Variants in GLIS3 observed in about 807,000 individuals in gnomAD.
The protein encoded by GLIS3 is zinc finger protein GLIS3.
A neutral mutation model predicts 78.6 loss-of-function variants in GLIS3; 53 were observed. The ratio of observed to expected loss-of-function variants is 0.67; its 90% CI spans 0.54 to 0.85. GLIS3 has a LOEUF of 0.85. GLIS3 is among the 40% of genes least tolerant of loss of function. The pLI, the probability that GLIS3 is intolerant of heterozygous loss-of-function variation, is 0.00. For missense variants in GLIS3, 1,703 were observed against 1,231.1 expected (o/e 1.38, Z -5.74); for synonymous variants, 684 against 509.9 (o/e 1.34, Z -4.60).
At chr9:4,096,616 C>T (rs13299949) in intron 4 of GLIS3, among the ~76,000 whole-genome samples, 20,301 of 152,114 alleles carry the variant, frequency 0.13, 1,377 homozygotes, top group Middle Eastern at 0.15. Context: ...CCTCCCTGAG[C>T]TCAGGAGAAT....
In GLIS3 at chr9:4,286,394, T is replaced by C. The variant is rs940080024; in HGVS notation, c.32A>G (p.His11Arg). The C allele has an allele frequency of 1.2e-6, 2 of 1,614,048 alleles. No homozygotes were observed. Among genetic ancestry groups the C allele is most frequent in the Non-Finnish European group, 1.7e-6 (2 of 1,180,042 alleles). The part of the protein sequence containing the change: MNGRSCSMSL[H>R]RTSGTPQGPR... Reference sequence around the variant, plus strand: ...CCCCTGTGGGGTTCCCGATGTCCGGTGGAGACTCATGCTGCATGATCTTCC... The same window carrying C: ...CCCCTGTGGGGTTCCCGATGTCCGGCGGAGACTCATGCTGCATGATCTTCC... Residue 11 changes from histidine (H) to arginine (R), a missense_variant, in exon 2 of 11, where the codon CAC becomes CGC. Coordinates refer to ENST00000381971, the MANE Select transcript of GLIS3 (RefSeq NM_001042413.2).
the GLIS3 span, among the ~76,000 whole-genome samples, chr9:4,486,127 A>G: frequency 6.6e-6 from 1 of 152,212 alleles, no homozygotes; most frequent in African/African-American, 2.4e-5. Flanking sequence ...CATAATTTAA[A>G]TGAACATAAA....
intron 2 of GLIS3, among the ~76,000 whole-genome samples, chr9:4,279,131 C>G (rs1248471496): frequency 6.6e-6 from 1 of 151,666 alleles, no homozygotes; most frequent in South Asian, 2.1e-4. Flanking sequence ...GAAACCCCAT[C>G]TCTAATAAAA....
chr9:4,403,362 C>A, the GLIS3 span, among the ~76,000 whole-genome samples: 1 of 152,148 alleles, frequency 6.6e-6, no homozygotes, highest in Admixed American at 6.5e-5. Context: ...AAGAAATCAT[C>A]TGAAGGTAAA....
intron 4 of GLIS3, among the ~76,000 whole-genome samples, chr9:3,971,303 G>T (rs7045016): frequency 0.084 from 12,785 of 152,180 alleles, 585 homozygotes; most frequent in Middle Eastern, 0.15. Context: ...GGAGCTTGAG[G>T]CTGAATTCTA....
At chr9:4,459,506 G>A in the GLIS3 span, among the ~76,000 whole-genome samples, 1,146 of 152,346 alleles carry the variant, frequency 7.5e-3, 13 homozygotes, top group African/African-American at 0.027. Context: ...GCTTGTGCCT[G>A]TAATCCTGGC....
intron 2 of GLIS3, among the ~76,000 whole-genome samples, chr9:4,199,840 C>T (rs868219909): frequency 2.0e-5 from 3 of 151,824 alleles, no homozygotes; most frequent in Admixed American, 1.3e-4. Context: ...ACTTCACCTT[C>T]AACGAAAGAA....
intron 6 of GLIS3, 113 bp downstream of exon 6, chr9:3,932,247 C>T: frequency 2.5e-6 from 2 of 790,304 alleles, no homozygotes; most frequent in South Asian, 2.8e-5. Context: ...CGGTCTAAAG[C>T]AGGTTATACC....
the GLIS3 span, among the ~76,000 whole-genome samples, chr9:4,373,659 AATTTTC>A: frequency 6.6e-6 from 1 of 151,386 alleles, no homozygotes; most frequent in East Asian, 1.9e-4. Flanking sequence ...GGGAAAACAT[AATTTTC>A]TTTTCTTTTT....
chr9:4,420,045 G>C, the GLIS3 span, among the ~76,000 whole-genome samples: 2 of 152,146 alleles, frequency 1.3e-5, no homozygotes, highest in African/African-American at 4.8e-5. Context: ...GGAATTTAGA[G>C]CAATGTCCTG....
chr9:3,893,138 C>A (rs1402927825), intron 7 of GLIS3, among the ~76,000 whole-genome samples: 1 of 152,156 alleles, frequency 6.6e-6, no homozygotes, highest in African/African-American at 2.4e-5. Flanking sequence ...ACAAAAATAA[C>A]CAATACTTTT....
At chr9:4,358,539 T>G in the GLIS3 span, among the ~76,000 whole-genome samples, 2 of 152,164 alleles carry the variant, frequency 1.3e-5, no homozygotes, top group Non-Finnish European at 2.9e-5. Context: ...TTCCAGCACG[T>G]TTCTAGTTGC....
At chr9:3,843,881 C>T (rs1331845447) in intron 9 of GLIS3, among the ~76,000 whole-genome samples, 3 of 152,030 alleles carry the variant, frequency 2.0e-5, no homozygotes, top group Admixed American at 2.0e-4. Context: ...AGGGAGGGTT[C>T]AGTAGTCATA....
At chr9:4,404,793 A>G in the GLIS3 span, among the ~76,000 whole-genome samples, 1 of 152,144 alleles carries the variant, frequency 6.6e-6, no homozygotes, top group African/African-American at 2.4e-5. Context: ...TAAGCTAATG[A>G]TATATCTTAA....
At chr9:4,303,167 C>G (rs1459430447), upstream of GLIS3, among the ~76,000 whole-genome samples, 1 of 152,096 alleles carries the variant, frequency 6.6e-6, no homozygotes, top group African/African-American at 2.4e-5. Context: ...CAGATTCCTC[C>G]TCCCACAAAG....
chr9:4,165,389 C>T (rs774612623), intron 2 of GLIS3, among the ~76,000 whole-genome samples: 5 of 152,154 alleles, frequency 3.3e-5, no homozygotes, highest in African/African-American at 9.7e-5. Flanking sequence ...TGCAGTGAGC[C>T]GAGACCATGC....
chr9:4,093,647 C>T (rs1427136486), intron 4 of GLIS3, among the ~76,000 whole-genome samples: 1 of 152,162 alleles, frequency 6.6e-6, no homozygotes, highest in African/African-American at 2.4e-5. Flanking sequence ...AGACTGGATA[C>T]TGGTCTTGAG....
the GLIS3 span, among the ~76,000 whole-genome samples, chr9:4,471,217 G>T: frequency 6.6e-6 from 1 of 151,956 alleles, no homozygotes; most frequent in African/African-American, 2.4e-5. Flanking sequence ...TCCCCATCAA[G>T]CTACCAATGA....
Position 4,080,107 on chromosome 9 carries a change from T to A in GLIS3, c.1710+37661A>T, listed in dbSNP as rs138156334. The stretch of plus-strand genomic sequence containing the variant: ...TGTCAAATTCAATGACTAACTATAT[T>A]GGAACCCCCCTGGCTTTATGACTGG... On this transcript the variant is annotated intron_variant, in intron 4 of 10. Coordinates refer to ENST00000381971, the MANE Select transcript of GLIS3 (RefSeq NM_001042413.2). Among the ~76,000 whole-genome samples the A allele has an allele frequency of 9.9e-3, 1,509 of 152,368 alleles. 22 individuals are homozygous for A. Among genetic ancestry groups the A allele is most frequent in the African/African-American group, 0.032 (1,329 of 41,588 alleles).
Sources: gnomAD v4.1 joint callset for allele counts (sites outside exome capture counted in the v4.1 genomes callset) on GRCh38, gnomAD v4.1.1 for gene constraint, MANE v1.5 for transcripts, NCBI Gene and HGNC (gene_info 2026-07-23, HGNC 2026-07-21) for gene names.